HCN1: variants seen among roughly 807,000 people sequenced by gnomAD.
The protein encoded by HCN1 is hyperpolarization activated cyclic nucleotide gated potassium channel 1, also known as potassium/sodium hyperpolarization-activated cyclic nucleotide-gated channel 1.
Under a neutral mutation model 78.9 loss-of-function variants are expected in HCN1, and 13 were observed. The ratio of observed to expected loss-of-function variants is 0.16; its 90% confidence interval spans 0.11 to 0.26. The LOEUF (loss-of-function observed/expected upper bound fraction) is 0.26, where lower values mean the gene tolerates loss of function less well. HCN1 is among the 10% of genes least tolerant of loss of function. The pLI, the probability that HCN1 is intolerant of heterozygous loss-of-function variation, is 1.00. For synonymous variants in HCN1, 552 were observed against 455.5 expected (o/e 1.21, Z -2.70); for missense variants, 810 against 1,154.3 (o/e 0.70, Z 4.32).
chr5:45,292,627 A>T (rs1745403987), intron 6 of HCN1, among the ~76,000 whole-genome samples: 1 of 152,034 alleles, frequency 6.6e-6, no homozygotes, highest in African/African-American at 2.4e-5. Context: ...TATCATATGT[A>T]TAAATTTCCT....
chr5:45,532,115 CTA>C (rs1162179240), intron 2 of HCN1, among the ~76,000 whole-genome samples: 1 of 152,152 alleles, frequency 6.6e-6, no homozygotes, highest in Non-Finnish European at 1.5e-5. Context: ...TTTCTCTCCC[CTA>C]TGTTTCCATA....
chr5:45,657,911 A>T (rs1402420322), intron 1 of HCN1, among the ~76,000 whole-genome samples: 2 of 152,208 alleles, frequency 1.3e-5, no homozygotes, highest in Non-Finnish European at 2.9e-5. Flanking sequence ...ATATGGAACC[A>T]AAAAAGAGCC....
intron 1 of HCN1, among the ~76,000 whole-genome samples, chr5:45,669,221 G>A (rs1020814579): frequency 2.0e-5 from 3 of 151,918 alleles, no homozygotes; most frequent in Admixed American, 6.6e-5. Flanking sequence ...ACTTGGGGAA[G>A]GCAAAGAAGA....
intron 4 of HCN1, among the ~76,000 whole-genome samples, chr5:45,367,217 T>C (rs1332589128): frequency 6.6e-6 from 1 of 151,774 alleles, no homozygotes; most frequent in Non-Finnish European, 1.5e-5. Context: ...TATTGGTGAA[T>C]ATCAATGATT....
At chr5:45,312,095 T>C (rs898372145) in intron 5 of HCN1, among the ~76,000 whole-genome samples, 1 of 152,226 alleles carries the variant, frequency 6.6e-6, no homozygotes, top group Non-Finnish European at 1.5e-5. Context: ...CAGATGTTTC[T>C]GGGATCCACC....
chr5:45,525,555 A>G, intron 2 of HCN1, among the ~76,000 whole-genome samples: 1 of 151,992 alleles, frequency 6.6e-6, no homozygotes. Context: ...TCTATTTTAA[A>G]TAAGAACAAA....
chr5:45,340,636 T>C (rs978106702), intron 5 of HCN1, among the ~76,000 whole-genome samples: 1 of 151,884 alleles, frequency 6.6e-6, no homozygotes, highest in African/African-American at 2.4e-5. Flanking sequence ...AAAAGCAAAA[T>C]ATGTTGATAG....
chr5:45,644,542 C>T (rs977158378), intron 2 of HCN1: 1 of 152,282 alleles, frequency 6.6e-6, no homozygotes, highest in African/African-American at 2.4e-5. Flanking sequence ...CATTTATTCA[C>T]TATACTCTTT....
Position 45,666,060 on chromosome 5 carries a change from C to A in HCN1, c.426-20452G>T, listed in dbSNP as rs190042442. Among the ~76,000 whole-genome samples, 32 of 152,152 alleles carry A rather than the reference C, an allele frequency of 2.1e-4. No individual in the cohort carries two copies. In the East Asian group the frequency reaches 5.8e-3, roughly 28 times the overall value. ...CCATGCCCAATTGAGCTTACCAACT[C>A]CTCCAGCATAATCCCACGGTCTCTG... On this transcript the variant is annotated intron_variant, in intron 1 of 7. Coordinates refer to ENST00000303230, the MANE Select transcript of HCN1 (RefSeq NM_021072.4).
intron 2 of HCN1, among the ~76,000 whole-genome samples, chr5:45,487,559 G>C (rs1384468116): frequency 6.6e-6 from 1 of 151,800 alleles, no homozygotes; most frequent in Non-Finnish European, 1.5e-5. Flanking sequence ...TTTTGCCCCT[G>C]TGTGCACTTC....
At chr5:45,625,047 T>C (rs1745136162) in intron 2 of HCN1, among the ~76,000 whole-genome samples, 1 of 152,124 alleles carries the variant, frequency 6.6e-6, no homozygotes, top group African/African-American at 2.4e-5. Context: ...AGGCTACATG[T>C]TGGTATTAAA....
intron 3 of HCN1, among the ~76,000 whole-genome samples, chr5:45,446,156 T>C (rs1480829229): frequency 6.6e-6 from 1 of 152,134 alleles, no homozygotes; most frequent in Non-Finnish European, 1.5e-5. Flanking sequence ...TTTAGACGAA[T>C]GTATAACTAG....
intron 3 of HCN1, among the ~76,000 whole-genome samples, chr5:45,417,811 G>A (rs894657780): frequency 6.7e-6 from 1 of 148,650 alleles, no homozygotes; most frequent in Non-Finnish European, 1.5e-5. Flanking sequence ...ACTTCATGGT[G>A]GAAAATTTCA....
At chr5:45,315,656 T>C (rs1745971472) in intron 5 of HCN1, among the ~76,000 whole-genome samples, 2 of 151,838 alleles carry the variant, frequency 1.3e-5, no homozygotes, top group South Asian at 2.1e-4. Context: ...AGAAAATTGA[T>C]AGAGCACTAG....
At chr5:45,601,145 G>C (rs899976831) in intron 2 of HCN1, among the ~76,000 whole-genome samples, 2 of 152,126 alleles carry the variant, frequency 1.3e-5, no homozygotes, top group Non-Finnish European at 2.9e-5. Context: ...ACTCAAATTG[G>C]GTAGTCCACC....
chr5:45,397,009 A>T (rs1002674173), intron 3 of HCN1, among the ~76,000 whole-genome samples: 1 of 152,208 alleles, frequency 6.6e-6, no homozygotes, highest in African/African-American at 2.4e-5. Flanking sequence ...AATAATGACA[A>T]GAATGAATGC....
chr5:45,350,157 A>G (rs1746858484), intron 5 of HCN1, among the ~76,000 whole-genome samples: 1 of 152,304 alleles, frequency 6.6e-6, no homozygotes, highest in East Asian at 1.9e-4. Flanking sequence ...CCAGCAGCAC[A>G]TCTAAAAGGT....
At chr5:45,341,155 C>A (rs888803228) in intron 5 of HCN1, among the ~76,000 whole-genome samples, 1 of 152,148 alleles carries the variant, frequency 6.6e-6, no homozygotes, top group African/African-American at 2.4e-5. Context: ...AATGAATCAG[C>A]CGTTCACAGA....
At chr5:45,594,469 T>G (rs1316249027) in intron 2 of HCN1, among the ~76,000 whole-genome samples, 1 of 152,178 alleles carries the variant, frequency 6.6e-6, no homozygotes, top group Admixed American at 6.5e-5. Flanking sequence ...GTTACCACAC[T>G]TTTCTGGATC....
Sources: allele counts gnomAD v4.1 joint callset (sites outside exome capture counted in the v4.1 genomes callset), GRCh38; gene constraint gnomAD v4.1.1; transcripts MANE v1.5; gene names NCBI Gene and HGNC (gene_info 2026-07-23, HGNC 2026-07-21).